Variants in RAD51AP1 observed in about 807,000 individuals in gnomAD.
RAD51AP1 encodes the protein RAD51-associated protein 1.
Under a neutral mutation model 34.3 loss-of-function variants are expected in RAD51AP1, and 14 were observed. The observed-to-expected ratio is 0.41, with a 90% CI of 0.27 to 0.64. The LOEUF is 0.64. Ranked by LOEUF, RAD51AP1 falls within the 30% of genes least tolerant of loss-of-function variation. RAD51AP1 has a pLI of 0.33. For synonymous variants in RAD51AP1, 114 were observed against 129.8 expected (o/e 0.88, Z 0.83); for missense variants, 348 against 386.9 (o/e 0.90, Z 0.84).
intron 4 of RAD51AP1, among the ~76,000 whole-genome samples, chr12:4,547,801 GAC>G (rs1482507611): frequency 1.3e-5 from 2 of 152,196 alleles, no homozygotes; most frequent in Non-Finnish European, 2.9e-5. Context: ...CACTGGGTAA[GAC>G]ACTATTTTTA....
At chr12:4,551,845 C>T (rs184055716) in intron 6 of RAD51AP1, among the ~76,000 whole-genome samples, 61 of 152,080 alleles carry the variant, frequency 4.0e-4, no homozygotes, top group African/African-American at 1.4e-3. Flanking sequence ...AGAAGAAGAG[C>T]GAGATAGATG....
intron 7 of RAD51AP1, among the ~76,000 whole-genome samples, chr12:4,554,214 C>T (rs1402698011): frequency 1.3e-5 from 2 of 152,158 alleles, no homozygotes; most frequent in East Asian, 3.9e-4. Flanking sequence ...CTTGAGGGTG[C>T]ATTTCTTGGC....
chr12:4,548,266 A>C, intron 5 of RAD51AP1, 88 bp downstream of exon 5: 1 of 1,523,828 alleles, frequency 6.6e-7, no homozygotes, highest in South Asian at 1.3e-5. Flanking sequence ...GCTAGAAGCA[A>C]GTTCTTTAAA....
intron 5 of RAD51AP1, 105 bp from the exon 6 acceptor site, chr12:4,548,582 A>G: frequency 7.4e-7 from 1 of 1,344,796 alleles, no homozygotes; most frequent in Non-Finnish European, 1.0e-6. Flanking sequence ...GGAGGGATGA[A>G]CCTGGGCAAA....
Position 4,546,396 on chromosome 12 carries a change from T to A in RAD51AP1, c.297T>A (p.Asn99Lys). The change falls in exon 4 of 9, where the codon AAT becomes AAA. Residue 99 changes from asparagine to lysine, a missense_variant. Transcript: ENST00000352618. ...SVKELPTVTT[N>K]VQNSQDKSIE... ...AGGAACTTCCAACAGTCACCACTAA[T>A]GTGCAGAACTCTCAAGATAAAAGTA... The A allele has an allele frequency of 1.2e-6, 2 of 1,609,620 alleles. No homozygotes were observed. The highest frequency in any genetic ancestry group is 1.7e-6 in the Non-Finnish European group (2 of 1,176,600).
intron 6 of RAD51AP1, among the ~76,000 whole-genome samples, chr12:4,549,752 G>A (rs74059626): frequency 0.034 from 5,101 of 152,228 alleles, 263 homozygotes; most frequent in African/African-American, 0.12. Context: ...TAATGCAGAT[G>A]TTCCAAAACC....
chr12:4,548,798 G>T lies in RAD51AP1; in HGVS notation c.518G>T (p.Gly173Val). The change falls in exon 6 of 9, where the codon GGT (glycine) becomes GTT (valine). Residue 173 changes from glycine (G) to valine (V), a missense_variant. Coordinates refer to ENST00000352618, the MANE Select transcript of RAD51AP1 (RefSeq NM_006479.5). ...QRKILLEGSD[G>V]DSANDTEPDF... is the part of the protein sequence containing the mutation. The stretch of plus-strand genomic sequence containing the variant: ...AAGATTCTTCTGGAAGGCAGTGATG[G>T]TGATAGTGCTAATGACACTGAACCA... 1 of 1,614,120 alleles carries T rather than the reference G, an allele frequency of 6.2e-7. No individual in the cohort carries two copies. Among genetic ancestry groups the T allele is most frequent in the Middle Eastern group, 1.7e-4 (1 of 6,058 alleles).
chr12:4,552,900 A>T, intron 6 of RAD51AP1, 83 bp from the exon 7 acceptor site: 1 of 1,291,816 alleles, frequency 7.7e-7, no homozygotes, highest in Non-Finnish European at 1.0e-6. Context: ...GGTGCATAAG[A>T]ATCTGAAAGC....
At chr12:4,540,882 A>G (rs928577866) in intron 1 of RAD51AP1, among the ~76,000 whole-genome samples, 3 of 152,172 alleles carry the variant, frequency 2.0e-5, no homozygotes, top group African/African-American at 7.2e-5. Flanking sequence ...CTGAGTTGTG[A>G]GCTGAGCTTA....
intron 1 of RAD51AP1, among the ~76,000 whole-genome samples, chr12:4,539,189 G>T (rs891121266): frequency 6.6e-5 from 10 of 152,136 alleles, no homozygotes; most frequent in African/African-American, 2.4e-4. Flanking sequence ...CTTTTACCAA[G>T]ACCTTGTTAG....
chr12:4,540,787 C>T (rs185944685), intron 1 of RAD51AP1, among the ~76,000 whole-genome samples: 3 of 152,144 alleles, frequency 2.0e-5, no homozygotes, highest in African/African-American at 7.2e-5. Context: ...TAATAGTTTG[C>T]GTGAGGAAAC....
chr12:4,548,952 G>A (rs75806977), intron 6 of RAD51AP1, 116 bp downstream of exon 6: 188,723 of 1,112,594 alleles, frequency 0.17, 18,609 homozygotes, highest in Middle Eastern at 0.22. Context: ...AAACTTCAGG[G>A]ACACACAGAA....
At chr12:4,542,916 G>A (rs1944478835) in intron 2 of RAD51AP1, among the ~76,000 whole-genome samples, 1 of 152,122 alleles carries the variant, frequency 6.6e-6, no homozygotes, top group Non-Finnish European at 1.5e-5. Context: ...AAGTTACTTT[G>A]GTAGGATCTT....
intron 6 of RAD51AP1, among the ~76,000 whole-genome samples, chr12:4,550,314 G>C (rs897001500): frequency 1.3e-5 from 2 of 152,236 alleles, no homozygotes; most frequent in East Asian, 3.8e-4. Flanking sequence ...GAATCCTTCA[G>C]ACTTCTAAGT....
At chr12:4,552,924 A>T in intron 6 of RAD51AP1, 59 bp from the exon 7 acceptor site, 1 of 1,425,058 alleles carries the variant, frequency 7.0e-7, no homozygotes, top group Non-Finnish European at 9.4e-7. Flanking sequence ...GGATAAAGTT[A>T]AGGCAACAGA....
At chr12:4,554,777 G>A (rs1184770952) in intron 7 of RAD51AP1, among the ~76,000 whole-genome samples, 2 of 152,266 alleles carry the variant, frequency 1.3e-5, no homozygotes, top group South Asian at 2.1e-4. Flanking sequence ...TAAACTTTGC[G>A]AATTGTGTCT....
chr12:4,545,451 G>C (rs553846640), intron 3 of RAD51AP1: 1 of 282,160 alleles, frequency 3.5e-6, no homozygotes, highest in African/African-American at 2.2e-5. Flanking sequence ...GTTTCTTTTT[G>C]GGGTAATAAA....
At chr12:4,546,650 T>C (rs1401091108) in intron 4 of RAD51AP1, among the ~76,000 whole-genome samples, 3 of 152,238 alleles carry the variant, frequency 2.0e-5, no homozygotes, top group Admixed American at 2.0e-4. Context: ...GGGCACGGAC[T>C]GTGAGCCTCA....
Position 4,559,962 on chromosome 12 carries a change from A to C in RAD51AP1, c.*969A>C, listed in dbSNP as rs1441168851. 6.6e-6 allele frequency: 1 copy of C among 152,198 alleles called. No individual in the cohort carries two copies. The highest frequency in any genetic ancestry group is 1.5e-5 in the Non-Finnish European group (1 of 68,028). The allele number at this position is 152,198 out of a possible 1,614,324, so 9.4% of individuals were successfully genotyped here. A position where few individuals can be genotyped will look rare whatever the true frequency, so the allele number is the denominator to read the frequency against. ...GTTAGCTGTTAAAAAATGTATAATAACTCAGTTTTTCTTGGTTTATGGAAA... is the reference window on the plus strand; with the variant it reads ...GTTAGCTGTTAAAAAATGTATAATACCTCAGTTTTTCTTGGTTTATGGAAA... On this transcript the variant is annotated 3_prime_UTR_variant, in exon 9 of 9. Transcript: ENST00000352618.
Sources: gnomAD v4.1 joint callset for allele counts (sites outside exome capture counted in the v4.1 genomes callset) on GRCh38, gnomAD v4.1.1 for gene constraint, MANE v1.5 for transcripts, NCBI Gene and HGNC (gene_info 2026-07-23, HGNC 2026-07-21) for gene names.